The following COL24A1 variants were observed in gnomAD, a reference collection of about 807,000 sequenced individuals.
COL24A1 encodes the protein collagen type XXIV alpha 1 chain.
A neutral mutation model predicts 253.9 loss-of-function variants in COL24A1; 224 were observed. The ratio of observed to expected loss-of-function variants is 0.88; its 90% CI spans 0.79 to 0.99. The LOEUF (loss-of-function observed/expected upper bound fraction) is 0.99. Ranked by LOEUF, COL24A1 falls within the 50% of genes least tolerant of loss-of-function variation. COL24A1 has a pLI of 0.00. For missense variants in COL24A1, 2,131 were observed against 2,068.5 expected, an observed-to-expected ratio of 1.03 and a Z score of -0.59; for synonymous variants, 685 against 673.7, an observed-to-expected ratio of 1.02 and a Z score of -0.26.
intron 57 of COL24A1, among the ~76,000 whole-genome samples, chr1:85,741,118 CAA>C (rs570264288): frequency 1.3e-4 from 11 of 85,022 alleles, no homozygotes; most frequent in South Asian, 3.6e-4. Context: ...AACTCTGCCT[CAA>C]AAAAAAAAAA....
rs555538399 is a variant in COL24A1 at position 86,111,282 on chromosome 1, T to C, written c.1599+1285A>G. On this transcript the variant is annotated intron_variant, in intron 5 of 59. Transcript: ENST00000370571. Reference sequence around the variant, plus strand: ...CGGGGACTTGGAGAAGTTTTATGTCTAGCTAGAGGATTGTAAATGCACCAA... The same window carrying C: ...CGGGGACTTGGAGAAGTTTTATGTCCAGCTAGAGGATTGTAAATGCACCAA... Among the ~76,000 whole-genome samples the C allele has an allele frequency of 3.3e-5, 5 of 152,272 alleles. No individual in the cohort carries two copies. In the East Asian group the frequency reaches 9.7e-4, roughly 29 times the overall value.
At chr1:85,917,829 T>G (rs2102982982) in intron 24 of COL24A1, among the ~76,000 whole-genome samples, 1 of 152,140 alleles carries the variant, frequency 6.6e-6, no homozygotes, top group African/African-American at 2.4e-5. Flanking sequence ...CTCAGCCTCC[T>G]GAGCAGCTGG....
intron 5 of COL24A1, among the ~76,000 whole-genome samples, chr1:86,107,592 T>C (rs192778838): frequency 6.6e-6 from 1 of 152,088 alleles, no homozygotes; most frequent in East Asian, 1.9e-4. Context: ...TGGAGTGCAG[T>C]GGCCCGATCT....
At position 86,032,541 on chromosome 1, in the gene COL24A1, G is replaced by T. The variant is rs1191051645; in HGVS notation, c.2005-619C>A. Among the ~76,000 whole-genome samples the T allele has an allele frequency of 2.0e-5, 3 of 151,984 alleles. No individual in the cohort carries two copies. In the East Asian group the frequency reaches 5.8e-4, roughly 29 times the overall value. Reference sequence around the variant, plus strand: ...AATTTTTCCAGCTGATTTGTGATTGGTCTTTTGAACTCATTGTCATTACAC... The same window carrying T: ...AATTTTTCCAGCTGATTTGTGATTGTTCTTTTGAACTCATTGTCATTACAC... On this transcript the variant is annotated intron_variant, in intron 13 of 59. Transcript: ENST00000370571.
At chr1:86,055,208 G>A (rs1298415093) in intron 10 of COL24A1, among the ~76,000 whole-genome samples, 1 of 152,140 alleles carries the variant, frequency 6.6e-6, no homozygotes, top group East Asian at 1.9e-4. Flanking sequence ...TCACTGCTTT[G>A]ACAACAGGAT....
chr1:85,946,900 G>A (rs1203908437), intron 24 of COL24A1, among the ~76,000 whole-genome samples: 1 of 152,028 alleles, frequency 6.6e-6, no homozygotes, highest in Non-Finnish European at 1.5e-5. Context: ...TATATACACC[G>A]ACTAGCCAAT....
At chr1:85,992,666 T>C (rs1370688419) in intron 19 of COL24A1, among the ~76,000 whole-genome samples, 2 of 152,150 alleles carry the variant, frequency 1.3e-5, no homozygotes, top group African/African-American at 2.4e-5. Context: ...CATGAAACGA[T>C]ACAGGAAGAA....
At chr1:85,959,868 C>A (rs1690841780) in intron 24 of COL24A1, among the ~76,000 whole-genome samples, 1 of 151,966 alleles carries the variant, frequency 6.6e-6, no homozygotes, top group Non-Finnish European at 1.5e-5. Context: ...CTTCGGATGC[C>A]AACTTTATAT....
intron 10 of COL24A1, among the ~76,000 whole-genome samples, chr1:86,057,201 G>A (rs1161076104): frequency 4.6e-5 from 7 of 151,962 alleles, no homozygotes; most frequent in African/African-American, 1.5e-4. Flanking sequence ...GGGACCTTCC[G>A]TTTTTCTCTC....
intron 12 of COL24A1, among the ~76,000 whole-genome samples, chr1:86,034,359 A>C (rs941165477): frequency 6.6e-6 from 1 of 152,162 alleles, no homozygotes; most frequent in Non-Finnish European, 1.5e-5. Flanking sequence ...TATGCACATA[A>C]TTATATATAC....
chr1:85,819,946 G>T (rs1673449115), intron 45 of COL24A1, among the ~76,000 whole-genome samples: 1 of 150,632 alleles, frequency 6.6e-6, no homozygotes, highest in African/African-American at 2.4e-5. Flanking sequence ...CTGCCAGGTT[G>T]AAGTGATTCT....
chr1:85,808,987 C>T (rs1025946477), intron 47 of COL24A1, among the ~76,000 whole-genome samples: 2 of 152,164 alleles, frequency 1.3e-5, no homozygotes, highest in Non-Finnish European at 2.9e-5. Flanking sequence ...TGTGCTGAGT[C>T]TCCCTCTGGA....
chr1:85,907,450 T>C (rs901937105), intron 27 of COL24A1, among the ~76,000 whole-genome samples: 5 of 151,918 alleles, frequency 3.3e-5, no homozygotes, highest in African/African-American at 1.2e-4. Context: ...AAATTTAATG[T>C]CTGGGTGTTT....
intron 24 of COL24A1, among the ~76,000 whole-genome samples, chr1:85,959,135 T>C (rs1221525949): frequency 6.6e-6 from 1 of 152,170 alleles, no homozygotes; most frequent in Non-Finnish European, 1.5e-5. Context: ...TCAAGAATTT[T>C]CTTGGCAACA....
intron 10 of COL24A1, among the ~76,000 whole-genome samples, chr1:86,054,023 G>A (rs900718707): frequency 6.6e-6 from 1 of 151,956 alleles, no homozygotes; most frequent in African/African-American, 2.4e-5. Flanking sequence ...GACAAAGTCG[G>A]CAAAAATAAA....
At position 85,765,351 on chromosome 1, in the gene COL24A1, GT is replaced by G. The variant is rs11436683; in HGVS notation, c.4375-3786del. On this transcript the variant is annotated intron_variant, in intron 53 of 59. Transcript: ENST00000370571. ...AAAATTCATGCTGAGATTGTTCTCT[GT>G]TTTTTTTTATTATTTCTATAGCTGT... 4.2e-5 allele frequency among the ~76,000 whole-genome samples: 4 copies of G among 95,974 alleles called. No individual in the cohort carries two copies. In the South Asian group the frequency reaches 2.3e-3, roughly 54 times the overall value. The allele number at this position is 95,974 out of a possible 152,430, so 63.0% of individuals were successfully genotyped here. A position where few individuals can be genotyped will look rare whatever the true frequency, so the allele number is the denominator to read the frequency against.
At chr1:85,770,098 T>C (rs1027999051) in intron 53 of COL24A1, among the ~76,000 whole-genome samples, 5 of 152,144 alleles carry the variant, frequency 3.3e-5, no homozygotes, top group African/African-American at 1.2e-4. Flanking sequence ...TCCTTGGAAA[T>C]ATAGCTTCAC....
intron 50 of COL24A1, among the ~76,000 whole-genome samples, 188 bp downstream of exon 50, chr1:85,783,925 A>G (rs749441392): frequency 1.8e-4 from 27 of 152,228 alleles, no homozygotes; most frequent in Non-Finnish European, 3.2e-4. Context: ...CATATCATAT[A>G]CTAAAATTTC....
intron 19 of COL24A1, among the ~76,000 whole-genome samples, chr1:86,016,305 G>A (rs1038453650): frequency 6.6e-6 from 1 of 152,206 alleles, no homozygotes; most frequent in South Asian, 2.1e-4. Flanking sequence ...TTTACAAAGA[G>A]AGGGAGACAG....
Sources: allele counts gnomAD v4.1 joint callset (sites outside exome capture counted in the v4.1 genomes callset), GRCh38; gene constraint gnomAD v4.1.1; transcripts MANE v1.5; gene names NCBI Gene and HGNC (gene_info 2026-07-23, HGNC 2026-07-21).